The following SDK1 variants were observed in gnomAD, a reference collection of about 807,000 sequenced individuals.
SDK1 encodes sidekick cell adhesion molecule 1, also known as protein sidekick-1.
Under a neutral mutation model 245.5 loss-of-function variants are expected in SDK1, and 157 were observed. The observed-to-expected ratio is 0.64, with a 90% CI of 0.56 to 0.73. The LOEUF (loss-of-function observed/expected upper bound fraction) is 0.73. SDK1 is among the 30% of genes least tolerant of loss of function. The pLI, the probability that SDK1 is intolerant of heterozygous loss-of-function variation, is 0.00. For synonymous variants in SDK1, 1,647 were observed against 1,278.5 expected (o/e 1.29, Z -6.15); for missense variants, 3,583 against 3,002.3 (o/e 1.19, Z -4.52).
chr7:3,791,229 G>C (rs373757031), intron 4 of SDK1, among the ~76,000 whole-genome samples: 1 of 152,084 alleles, frequency 6.6e-6, no homozygotes, highest in African/African-American at 2.4e-5. Context: ...CTTAGGTGAA[G>C]AGGAGTGTAA....
rs1785918592 is a variant in SDK1 at position 4,233,303 on chromosome 7, C to T, written c.5876C>T (p.Thr1959Ile). Residue 1959 changes from threonine (T) to isoleucine (I), a missense_variant, in exon 41 of 45, where the codon ACA (threonine) becomes ATA (isoleucine). By Grantham distance (89) the Thr-to-Ile change is moderately conservative. Transcript: ENST00000404826. Reference sequence around the variant, plus strand: ...GTGAAGGACATCCCGCGGAGCGCCACATCCTACACCCTCAGCCTGGATAAG... The same window carrying T: ...GTGAAGGACATCCCGCGGAGCGCCATATCCTACACCCTCAGCCTGGATAAG... ...MFVKDIPRSA[T>I]SYTLSLDKLR... The T allele has an allele frequency of 2.5e-6, 4 of 1,613,970 alleles. No individual in the cohort carries two copies. The African/African-American group carries it at 5.3e-5, about 22-fold the overall frequency.
chr7:3,944,654 G>A (rs1382298443), intron 5 of SDK1, among the ~76,000 whole-genome samples: 2 of 152,134 alleles, frequency 1.3e-5, no homozygotes, highest in Admixed American at 1.3e-4. Flanking sequence ...TGGTAGAAAA[G>A]CCATCATGGC....
At chr7:3,683,136 A>G (rs1206476248) in intron 4 of SDK1, among the ~76,000 whole-genome samples, 1 of 152,190 alleles carries the variant, frequency 6.6e-6, no homozygotes, top group Non-Finnish European at 1.5e-5. Context: ...GAGTGAATGT[A>G]GTGTGTGCAG....
chr7:3,911,581 C>T lies in SDK1; in HGVS notation c.848-39342C>T, dbSNP rs368128589. On this transcript the variant is annotated intron_variant, in intron 5 of 44. Transcript: ENST00000404826. ...ATCCATTCTCCTCCCCAGAGCTCCA[C>T]CTCTTAATGCTATGACCTTGGGTAG... Among the ~76,000 whole-genome samples, 35 of 152,312 alleles carry T rather than the reference C, an allele frequency of 2.3e-4. No homozygotes were observed. In the East Asian group the frequency reaches 6.8e-3, roughly 29 times the overall value.
At chr7:3,418,609 C>T (rs1779447259) in intron 1 of SDK1, among the ~76,000 whole-genome samples, 1 of 152,192 alleles carries the variant, frequency 6.6e-6, no homozygotes, top group African/African-American at 2.4e-5. Context: ...GTGAGCATGA[C>T]ATAACCTGGA....
At chr7:4,209,934 C>T (rs1784425701) in intron 37 of SDK1, 91 bp from the exon 38 acceptor site, 3 of 1,136,474 alleles carry the variant, frequency 2.6e-6, no homozygotes, top group Non-Finnish European at 3.6e-6. Flanking sequence ...CATCGAATAA[C>T]ATTTTTTATT....
At chr7:3,319,313 G>A (rs561969506) in intron 1 of SDK1, among the ~76,000 whole-genome samples, 23 of 152,252 alleles carry the variant, frequency 1.5e-4, no homozygotes, top group African/African-American at 5.5e-4. Context: ...TGTCATGCTT[G>A]TAGGAGTCAG....
chr7:3,561,556 TA>T (rs1302847224), intron 1 of SDK1, among the ~76,000 whole-genome samples: 2 of 152,192 alleles, frequency 1.3e-5, no homozygotes, highest in African/African-American at 4.8e-5. Flanking sequence ...TTTATTTCCC[TA>T]AATGGTAGTT....
At chr7:4,176,050 C>G (rs1308202210) in intron 34 of SDK1, among the ~76,000 whole-genome samples, 1 of 152,030 alleles carries the variant, frequency 6.6e-6, no homozygotes, top group Non-Finnish European at 1.5e-5. Context: ...AATATCTGGT[C>G]TTCAAGTTTG....
chr7:4,262,126 GA>G (rs1366838585), intron 44 of SDK1, among the ~76,000 whole-genome samples: 1 of 126,718 alleles, frequency 7.9e-6, no homozygotes, highest in Non-Finnish European at 1.6e-5. Context: ...AGAATCCCTT[GA>G]ACCCGGGTTC....
intron 7 of SDK1, among the ~76,000 whole-genome samples, chr7:3,956,203 G>A (rs181651619): frequency 3.3e-5 from 5 of 152,210 alleles, no homozygotes; most frequent in Admixed American, 6.5e-5. Context: ...ACATGCCCTC[G>A]CCCTCTTGCC....
At chr7:3,670,526 T>C (rs560616039) in intron 4 of SDK1, among the ~76,000 whole-genome samples, 1 of 152,350 alleles carries the variant, frequency 6.6e-6, no homozygotes, top group South Asian at 2.1e-4. Context: ...AATGCAGTTA[T>C]TAGTCTCAGC....
chr7:3,639,036 C>T lies in SDK1; in HGVS notation c.491C>T (p.Ala164Val), dbSNP rs1198740516. The change falls in exon 3 of 45, where the codon GCT (alanine) becomes GTT (valine). Residue 164 changes from alanine (A) to valine (V), a missense_variant. Transcript: ENST00000404826. ...YIIPSLQKLD[A>V]GFYRCVVRNR... ...ATTCCATCTTTGCAGAAGCTCGATG[C>T]TGGGTTTTACCGCTGCGTGGTGCGA... 1 of 1,605,072 alleles carries T rather than the reference C, an allele frequency of 6.2e-7. No homozygotes were observed. Among genetic ancestry groups the T allele is most frequent in the African/African-American group, 1.3e-5 (1 of 74,872 alleles).
At chr7:3,350,258 GA>G (rs1780623367) in intron 1 of SDK1, among the ~76,000 whole-genome samples, 1 of 152,060 alleles carries the variant, frequency 6.6e-6, no homozygotes, top group African/African-American at 2.4e-5. Context: ...AATGAGTGTG[GA>G]AAAAAACAAA....
chr7:3,799,394 A>T (rs1241857698), intron 4 of SDK1, among the ~76,000 whole-genome samples: 1 of 151,830 alleles, frequency 6.6e-6, no homozygotes, highest in Non-Finnish European at 1.5e-5. Flanking sequence ...TGTTGAAGGC[A>T]TACGAATATG....
At chr7:3,471,201 A>G (rs1264779920) in intron 1 of SDK1, among the ~76,000 whole-genome samples, 1 of 152,142 alleles carries the variant, frequency 6.6e-6, no homozygotes, top group Admixed American at 6.5e-5. Context: ...GAGTCGTGAG[A>G]AGACTGAGTG....
chr7:4,088,176 G>C (rs941991134), intron 22 of SDK1, among the ~76,000 whole-genome samples: 1 of 152,136 alleles, frequency 6.6e-6, no homozygotes, highest in East Asian at 1.9e-4. Flanking sequence ...TGGTGTATTG[G>C]TGTTACAGCC....
chr7:3,617,837 G>C (rs761658439), intron 1 of SDK1, among the ~76,000 whole-genome samples: 3 of 152,112 alleles, frequency 2.0e-5, no homozygotes, highest in Non-Finnish European at 2.9e-5. Flanking sequence ...TGTTAGAATG[G>C]CCATCACATT....
At chr7:3,508,101 C>G (rs1417594153) in intron 1 of SDK1, among the ~76,000 whole-genome samples, 1 of 152,116 alleles carries the variant, frequency 6.6e-6, no homozygotes, top group Admixed American at 6.6e-5. Context: ...TACTGATAGT[C>G]AGGGTGTTGT....
Sources: gnomAD v4.1 joint callset for allele counts (sites outside exome capture counted in the v4.1 genomes callset) on GRCh38, gnomAD v4.1.1 for gene constraint, MANE v1.5 for transcripts, NCBI Gene and HGNC (gene_info 2026-07-23, HGNC 2026-07-21) for gene names.